Variants in PPA2 observed in about 807,000 individuals in gnomAD.
PPA2 encodes inorganic pyrophosphatase 2, mitochondrial.
In PPA2, 48 loss-of-function variants were observed where a neutral mutation model predicts 49.5. That is an observed-to-expected ratio of 0.97 (90% CI 0.77 to 1.23). The LOEUF (loss-of-function observed/expected upper bound fraction) is 1.23. PPA2 is among the 50% of genes most tolerant of loss of function. The pLI is 0.00. For missense variants in PPA2, 429 were observed against 410.1 expected, an observed-to-expected ratio of 1.05 and a Z score of -0.40; for synonymous variants, 131 against 139.9, an observed-to-expected ratio of 0.94 and a Z score of 0.45.
chr4:105,395,501 C>G (rs763098125), intron 9 of PPA2, among the ~76,000 whole-genome samples: 1 of 152,110 alleles, frequency 6.6e-6, no homozygotes, highest in African/African-American at 2.4e-5. Context: ...ATTATGTTCA[C>G]AGATGAACTG....
intron 9 of PPA2, among the ~76,000 whole-genome samples, chr4:105,387,240 T>C (rs373660329): frequency 3.9e-5 from 6 of 152,272 alleles, no homozygotes; most frequent in African/African-American, 1.2e-4. Context: ...TGCCACTCTC[T>C]AGATGAAAGC....
chr4:105,387,575 G>C (rs1733734268), intron 9 of PPA2, among the ~76,000 whole-genome samples: 1 of 152,102 alleles, frequency 6.6e-6, no homozygotes, highest in African/African-American at 2.4e-5. Flanking sequence ...AGTATACAGC[G>C]ATTATAATAA....
At chr4:105,381,270 T>C (rs912718486) in intron 10 of PPA2, among the ~76,000 whole-genome samples, 2 of 152,104 alleles carry the variant, frequency 1.3e-5, no homozygotes, top group Non-Finnish European at 2.9e-5. Context: ...GTTATTATTT[T>C]AGATGCCAGT....
At chr4:105,424,776 G>T (rs1208076087) in intron 6 of PPA2, among the ~76,000 whole-genome samples, 1 of 152,140 alleles carries the variant, frequency 6.6e-6, no homozygotes, top group African/African-American at 2.4e-5. Context: ...AAAAAAAAAT[G>T]GAGGATGAGG....
intron 6 of PPA2, among the ~76,000 whole-genome samples, chr4:105,425,935 T>C (rs1223337478): frequency 2.0e-5 from 3 of 152,116 alleles, no homozygotes; most frequent in Non-Finnish European, 4.4e-5. Flanking sequence ...AGAAGCAATG[T>C]AAGCCAAAAG....
chr4:105,398,556 T>G (rs908165455), intron 8 of PPA2: 1 of 152,502 alleles, frequency 6.6e-6, no homozygotes, highest in Admixed American at 6.5e-5. Context: ...ATATTAGAGA[T>G]ACTTTGTGGT....
At chr4:105,464,994 T>G (rs958858396) in intron 1 of PPA2, among the ~76,000 whole-genome samples, 48 of 152,236 alleles carry the variant, frequency 3.2e-4, no homozygotes, top group South Asian at 2.1e-4. Flanking sequence ...TGATAGAATG[T>G]TCTGTAATCA....
At chr4:105,395,448 C>T (rs1490590) in intron 9 of PPA2, among the ~76,000 whole-genome samples, 64,298 of 151,806 alleles carry the variant, frequency 0.42, 14,222 homozygotes, top group East Asian at 0.68. Flanking sequence ...TAAATGTGTT[C>T]GTCAATTGTA....
chr4:105,441,285 T>C (rs1009038339), intron 5 of PPA2, among the ~76,000 whole-genome samples: 4 of 152,254 alleles, frequency 2.6e-5, no homozygotes, highest in Admixed American at 1.3e-4. Flanking sequence ...CTAAAATGGG[T>C]TGAAGATATG....
At chr4:105,375,983 C>A (rs1733233572) in intron 10 of PPA2, among the ~76,000 whole-genome samples, 2 of 152,106 alleles carry the variant, frequency 1.3e-5, no homozygotes, top group South Asian at 2.1e-4. Flanking sequence ...CTTTATTAAT[C>A]CATCTTGTGA....
At chr4:105,423,723 C>CAAA (rs1463122251) in intron 7 of PPA2, among the ~76,000 whole-genome samples, 4 of 152,156 alleles carry the variant, frequency 2.6e-5, no homozygotes, top group African/African-American at 9.7e-5. Flanking sequence ...GTTACTTTTC[C>CAAA]CTTCATTTGT....
chr4:105,464,815 CCT>C (rs1019000806), intron 1 of PPA2, among the ~76,000 whole-genome samples: 10 of 152,278 alleles, frequency 6.6e-5, no homozygotes, highest in African/African-American at 2.4e-4. Flanking sequence ...GTCCAATAAA[CCT>C]CTTTCTTTTG....
intron 8 of PPA2, among the ~76,000 whole-genome samples, chr4:105,397,261 C>T (rs1734186515): frequency 6.6e-6 from 1 of 152,118 alleles, no homozygotes; most frequent in Admixed American, 6.6e-5. Context: ...AATTTATCCT[C>T]TGAAAAGAGA....
rs770933084 is a variant in PPA2, at chr4:105,456,712, T to C, written c.191A>G (p.His64Arg). The change falls in exon 2 of 12, where the codon CAT (histidine) becomes CGT (arginine). Residue 64 changes from histidine (H) to arginine (R), a missense_variant. His to Arg is a conservative substitution (Grantham distance 29). Coordinates refer to ENST00000341695, the MANE Select transcript of PPA2 (RefSeq NM_176869.3). ...AGAGTTCACCTTCAGAGGAATATCA[T>C]GAAAGGGGGAAATGTAGTGACCAGT... ...NVTGHYISPF[H>R]DIPLKVNSKE... is the part of the protein sequence containing the mutation. 39 of 1,607,706 alleles carry C rather than the reference T, an allele frequency of 2.4e-5. No individual in the cohort carries two copies. Among genetic ancestry groups the C allele is most frequent in the Non-Finnish European group, 3.2e-5 (38 of 1,176,732 alleles).
intron 7 of PPA2, among the ~76,000 whole-genome samples, chr4:105,404,304 G>A (rs931390340): frequency 6.6e-6 from 1 of 151,582 alleles, no homozygotes; most frequent in Non-Finnish European, 1.5e-5. Context: ...CTTGCCTACT[G>A]AAAAAGAACC....
At chr4:105,399,322 A>G in intron 7 of PPA2, 158 bp from the exon 8 acceptor site, 1 of 614,018 alleles carries the variant, frequency 1.6e-6, no homozygotes, top group East Asian at 2.8e-5. Flanking sequence ...ATTGATATGT[A>G]TATCACCTTC....
Position 105,456,835 on chromosome 4 carries a change from T to C in PPA2, c.158-90A>G, listed in dbSNP as rs191025815. On this transcript the variant is annotated intron_variant, in intron 1 of 11. Coordinates refer to ENST00000341695, the MANE Select transcript of PPA2 (RefSeq NM_176869.3). ...CAATAATAAACATCCTTATCCACTT[T>C]TAAACTTACGCATTTTTTACAAAGC... is the stretch of plus-strand genomic sequence containing the variant. 3.1e-5 allele frequency: 31 copies of C among 1,004,656 alleles called. No individual in the cohort carries two copies. The Admixed American group carries it at 7.3e-4, about 24-fold the overall frequency. 62.2% of individuals were successfully genotyped at this position (1,004,656 alleles called of 1,614,324 possible). A position where few individuals can be genotyped will look rare whatever the true frequency, so the allele number is the denominator to read the frequency against.
At chr4:105,422,499 A>G (rs1014923228) in intron 7 of PPA2, among the ~76,000 whole-genome samples, 5 of 152,222 alleles carry the variant, frequency 3.3e-5, no homozygotes, top group Admixed American at 3.3e-4. Flanking sequence ...TACGAAACTC[A>G]AGGAGTCATG....
intron 6 of PPA2, among the ~76,000 whole-genome samples, chr4:105,435,757 T>G (rs1393112783): frequency 6.6e-6 from 1 of 152,068 alleles, no homozygotes; most frequent in Non-Finnish European, 1.5e-5. Context: ...AATTCAACAT[T>G]CCTTCATGAT....
Sources: allele counts gnomAD v4.1 joint callset (sites outside exome capture counted in the v4.1 genomes callset), GRCh38; gene constraint gnomAD v4.1.1; transcripts MANE v1.5; gene names NCBI Gene and HGNC (gene_info 2026-07-23, HGNC 2026-07-21).